Variants in INF2 observed in about 807,000 individuals in gnomAD.
INF2 encodes inverted formin-2.
Under a neutral mutation model 123.5 loss-of-function variants are expected in INF2, and 43 were observed. The ratio of observed to expected loss-of-function variants is 0.35; its 90% confidence interval spans 0.27 to 0.45. The LOEUF (loss-of-function observed/expected upper bound fraction) is 0.45, where lower values mean the gene tolerates loss of function less well. Ranked by LOEUF, INF2 falls within the 20% of genes least tolerant of loss-of-function variation. The probability of loss-of-function intolerance (pLI) is 1.00; values close to 1 mark genes in which losing one functional copy is unlikely to be tolerated. For missense variants in INF2, 1,453 were observed against 1,682.7 expected, an observed-to-expected ratio of 0.86 and a Z score of 2.39; for synonymous variants, 851 against 745.0, an observed-to-expected ratio of 1.14 and a Z score of -2.32.
Position 104,699,359 on chromosome 14 carries a change from A to G in INF2, c.-9-1998A>G. The G allele has an allele frequency of 1.0e-6, 1 of 982,956 alleles. No homozygotes were observed. The highest frequency in any genetic ancestry group is 1.2e-6 in the Non-Finnish European group (1 of 827,750). The allele number at this position is 982,956 out of a possible 1,614,324, so 60.9% of individuals were successfully genotyped here. A position where few individuals can be genotyped will look rare whatever the true frequency, so the allele number is the denominator to read the frequency against. On this transcript the variant is annotated intron_variant, in intron 1 of 22. Coordinates refer to ENST00000392634, the MANE Select transcript of INF2 (RefSeq NM_022489.4). The surrounding 1 kb of genome is among the most constrained non-coding windows in gnomAD (Gnocchi z 4.7). Reference sequence around the variant, plus strand: ...AGTTCTGGGGCCTCTTTAGGCAGCAACAGCCAAGGCGGGTGGGAATATATG... The same window carrying G: ...AGTTCTGGGGCCTCTTTAGGCAGCAGCAGCCAAGGCGGGTGGGAATATATG...
At chr14:104,682,793 C>T (rs1199644249) in intron 1 of INF2, among the ~76,000 whole-genome samples, 1 of 152,122 alleles carries the variant, frequency 6.6e-6, no homozygotes, top group Non-Finnish European at 1.5e-5. Flanking sequence ...CAGCAGTGGC[C>T]ACTCCTAAAA....
chr14:104,707,512 G>T lies in INF2; in HGVS notation c.1245G>T (p.Glu415Asp). 1.3e-6 allele frequency: 2 copies of T among 1,546,128 alleles called. No homozygotes were observed. Among genetic ancestry groups the T allele is most frequent in the Non-Finnish European group, 8.7e-7 (1 of 1,146,410 alleles). ...AAGTTTCGCAGCCCAGAGCCCTGGAGCAGCAGGCGTCCACCCCACCCCCAC... is the reference window on the plus strand; with the variant it reads ...AAGTTTCGCAGCCCAGAGCCCTGGATCAGCAGGCGTCCACCCCACCCCCAC... ...ILKVSQPRAL[E>D]QQASTPPPPP... Residue 415 changes from glutamate to aspartate, a missense_variant, in exon 8 of 23, where the codon GAG (glutamate) becomes GAT (aspartate). This residue lies in a region of INF2 where 374 missense variants were observed against 303.7 expected (regional missense o/e 1.23). Transcript: ENST00000392634.
intron 21 of INF2, 35 bp downstream of exon 21, chr14:104,714,891 GCCAGGGCGCTGGCA>G (rs1347189367): frequency 6.7e-7 from 1 of 1,491,830 alleles, no homozygotes; most frequent in Admixed American, 2.6e-5. Flanking sequence ...ACCGTCCCAC[GCCAGGGCGCTGGCA>G]CCCAGCCGGT....
Position 104,711,705 on chromosome 14 carries a change from T to G in INF2, c.2489+6T>G. 6.2e-7 allele frequency: 1 copy of G among 1,611,736 alleles called. No individual in the cohort carries two copies. The highest frequency in any genetic ancestry group is 1.1e-5 in the South Asian group (1 of 91,046). On this transcript the variant is annotated splice_donor_region_variant and intron_variant, in intron 16 of 22. Coordinates refer to ENST00000392634, the MANE Select transcript of INF2 (RefSeq NM_022489.4). ...CAGCCCTCGCAAGCAGCAGGGTAGG[T>G]AGCTCCTGCCAGCCCGCCCACCTCA...
exon 1 of INF2, chr14:104,681,195 G>A (rs1419692734): frequency 2.2e-5 from 7 of 320,524 alleles, no homozygotes; most frequent in Non-Finnish European, 4.3e-5. Flanking sequence ...AGGAAATGGG[G>A]CGGGCGAGGA....
exon 1 of INF2, chr14:104,681,535 T>G (rs758139603): frequency 1.9e-5 from 24 of 1,288,080 alleles, no homozygotes; most frequent in Non-Finnish European, 2.2e-5. Context: ...CTCCACGTCT[T>G]ATGAAATTAG....
intron 1 of INF2, among the ~76,000 whole-genome samples, chr14:104,682,649 T>G (rs1888553071): frequency 6.6e-6 from 1 of 151,974 alleles, no homozygotes; most frequent in African/African-American, 2.4e-5. Context: ...CCCATCCAGG[T>G]GGGAAGAAAG....
chr14:104,703,880 C>T, intron 4 of INF2, 36 bp from the exon 5 acceptor site: 1 of 1,610,568 alleles, frequency 6.2e-7, no homozygotes, highest in East Asian at 2.2e-5. Flanking sequence ...CGGGGAGTGG[C>T]CTCCGAACCC....
At chr14:104,716,939 G>T (rs1033504226) in intron 22 of INF2, among the ~76,000 whole-genome samples, 5 of 152,128 alleles carry the variant, frequency 3.3e-5, no homozygotes, top group African/African-American at 9.7e-5. Context: ...TGATCCACCC[G>T]CCTCGGCCTC....
At chr14:104,689,590 T>TTCCCCC, upstream of INF2, 2 of 646,936 alleles carry the variant, frequency 3.1e-6, no homozygotes, top group Non-Finnish European at 3.7e-6. Flanking sequence ...CTCCTCTTCC[T>TTCCCCC]CCCGCCCGCC....
intron 2 of INF2, among the ~76,000 whole-genome samples, chr14:104,702,597 G>A (rs757516521): frequency 2.0e-5 from 3 of 152,182 alleles, no homozygotes; most frequent in Non-Finnish European, 4.4e-5. Flanking sequence ...AGCCAGAGGC[G>A]CCTCGTTTCT....
At chr14:104,713,380 A>T (rs1026279653) in intron 19 of INF2, 65 bp from the exon 20 acceptor site, 33 of 1,570,552 alleles carry the variant, frequency 2.1e-5, no homozygotes, top group African/African-American at 2.7e-5. Context: ...CCTCCCCACC[A>T]CCCCCAGCCC....
In INF2 at chr14:104,699,453, G is replaced by A; in HGVS notation, c.-9-1904G>A. ...CTACTGCCACCAGGAGGGGCGTTGG[G>A]GACCTGAGGCTGCCTGGGAGGGACC... On this transcript the variant is annotated intron_variant, in intron 1 of 22. Coordinates refer to ENST00000392634, the MANE Select transcript of INF2 (RefSeq NM_022489.4). This position sits in a 1 kb window ranked among gnomAD's most constrained non-coding sequence, Gnocchi z 4.7. 2.0e-6 allele frequency: 2 copies of A among 985,382 alleles called. No individual in the cohort carries two copies. Among genetic ancestry groups the A allele is most frequent in the African/African-American group, 1.7e-5 (1 of 57,338 alleles). The allele number at this position is 985,382 out of a possible 1,614,324, so 61.0% of individuals were successfully genotyped here.
chr14:104,683,673 T>C (rs896499680), intron 1 of INF2, among the ~76,000 whole-genome samples: 1 of 139,106 alleles, frequency 7.2e-6, no homozygotes, highest in Non-Finnish European at 1.5e-5. Context: ...TTTGGAGACC[T>C]ACAAAGTCTT....
chr14:104,699,463 CT>C lies in INF2; in HGVS notation c.-9-1893del, dbSNP rs1299387989. On this transcript the variant is annotated intron_variant, in intron 1 of 22. Transcript: ENST00000392634. This position sits in a 1 kb window ranked among gnomAD's most constrained non-coding sequence, Gnocchi z 4.7. ...CAGGAGGGGCGTTGGGGACCTGAGG[CT>C]GCCTGGGAGGGACCCGGCTGTCTCT... 43 of 985,218 alleles carry C rather than the reference CT, an allele frequency of 4.4e-5. No individual in the cohort carries two copies. Among genetic ancestry groups the C allele is most frequent in the Non-Finnish European group, 4.9e-5 (41 of 829,916 alleles). The allele number at this position is 985,218 out of a possible 1,614,324, so 61.0% of individuals were successfully genotyped here. A position where few individuals can be genotyped will look rare whatever the true frequency, so the allele number is the denominator to read the frequency against.
intron 13 of INF2, 30 bp downstream of exon 13, chr14:104,710,218 A>G: frequency 1.3e-6 from 2 of 1,483,578 alleles, no homozygotes; most frequent in Non-Finnish European, 1.8e-6. Context: ...GCACGTGTGC[A>G]GGAGGGACAG....
chr14:104,695,701 C>A (rs1317579009), intron 1 of INF2, among the ~76,000 whole-genome samples: 2 of 151,986 alleles, frequency 1.3e-5, no homozygotes, highest in South Asian at 2.1e-4. Flanking sequence ...TGTTCCTAAC[C>A]CAGGAAGATG....
chr14:104,714,281 C>T lies in INF2; in HGVS notation c.3119C>T (p.Thr1040Ile), dbSNP rs746392134. The T allele has an allele frequency of 2.0e-5, 32 of 1,594,164 alleles. No individual in the cohort carries two copies. Among genetic ancestry groups the T allele is most frequent in the African/African-American group, 4.0e-5 (3 of 74,412 alleles). The change falls in exon 21 of 23, where the codon ACA (threonine) becomes ATA (isoleucine). Residue 1040 changes from threonine (T) to isoleucine (I), a missense_variant. Around this residue, in one of 8 missense-constraint regions of INF2, gnomAD observed 344 missense variants for 333.1 expected, o/e 1.03. Transcript: ENST00000392634. The stretch of plus-strand genomic sequence containing the variant: ...TCTGAGCCCGGCCTTGATGCTACAA[C>T]AGCCAGCGAGTCCCGGGGCTGGGAC... Reference protein sequence around the residue: ...PASEPGLDATTASESRGWDLV... With the variant: ...PASEPGLDATIASESRGWDLV...
intron 20 of INF2, 128 bp from the exon 21 acceptor site, chr14:104,714,074 CA>C: frequency 2.5e-6 from 2 of 789,038 alleles, no homozygotes; most frequent in Admixed American, 2.9e-5. Flanking sequence ...TGCTCTGAGA[CA>C]TCAGAGGAGG....
Sources: gnomAD v4.1 joint callset for allele counts (sites outside exome capture counted in the v4.1 genomes callset) on GRCh38, gnomAD v4.1.1 for gene constraint, gnomAD v4.1.1 regional missense constraint, Gnocchi (gnomAD v3.1) non-coding constraint, MANE v1.5 for transcripts, NCBI Gene and HGNC (gene_info 2026-07-23, HGNC 2026-07-21) for gene names.